Variants in PCF11 observed in about 807,000 individuals in gnomAD.
PCF11 encodes PCF11 cleavage and polyadenylation factor subunit.
A neutral mutation model predicts 166.1 loss-of-function variants in PCF11; 19 were observed. The ratio of observed to expected loss-of-function variants is 0.11; its 90% CI spans 0.08 to 0.17. PCF11 has a LOEUF of 0.17. Ranked by LOEUF, PCF11 falls within the 10% of genes least tolerant of loss-of-function variation. The probability of loss-of-function intolerance (pLI) is 1.00; values close to 1 mark genes in which losing one functional copy is unlikely to be tolerated. For synonymous variants in PCF11, 663 were observed against 644.1 expected (o/e 1.03, Z -0.44); for missense variants, 1,565 against 1,855.5 (o/e 0.84, Z 2.88).
At position 83,166,725 on chromosome 11, in the gene PCF11, A is replaced by G; in HGVS notation, c.1817+11A>G. The G allele has an allele frequency of 6.4e-7, 1 of 1,570,736 alleles. No homozygotes were observed. The highest frequency in any genetic ancestry group is 1.4e-5 in the African/African-American group (1 of 72,724). ...GGAAGAAAATAAAAGGTATGATGTTAACATTTTAAGTCAAGTGTAGTAGTG... is the reference window on the plus strand; with the variant it reads ...GGAAGAAAATAAAAGGTATGATGTTGACATTTTAAGTCAAGTGTAGTAGTG... On this transcript the variant is annotated intron_variant, in intron 5 of 15. Transcript: ENST00000298281.
In PCF11 at chr11:83,167,068, T is replaced by A; in HGVS notation, c.1818-57T>A. The A allele has an allele frequency of 7.5e-7, 1 of 1,331,520 alleles. No homozygotes were observed. The highest frequency in any genetic ancestry group is 1.1e-6 in the Non-Finnish European group (1 of 950,560). 82.5% of individuals were successfully genotyped at this position (1,331,520 alleles called of 1,614,324 possible). On this transcript the variant is annotated intron_variant, in intron 5 of 15. Coordinates refer to ENST00000298281, the Ensembl canonical transcript of PCF11. This position sits in a 1 kb window ranked among gnomAD's most constrained non-coding sequence, Gnocchi z 4.2. ...CTTTGAAAAGAATCTTTAAATATGGTCCTGAGTATTTTTTAAAAAAACATT... is the reference window on the plus strand; with the variant it reads ...CTTTGAAAAGAATCTTTAAATATGGACCTGAGTATTTTTTAAAAAAACATT...
chr11:83,157,431 C>T (rs1372982442), exon 1 of PCF11: 2 of 1,604,886 alleles, frequency 1.2e-6, no homozygotes, highest in Non-Finnish European at 1.7e-6. Flanking sequence ...GGAGGGGGGC[C>T]GCGGCGCAAT....
At chr11:83,168,692 C>G in exon 8 of PCF11, 2 of 1,613,900 alleles carry the variant, frequency 1.2e-6, no homozygotes, top group South Asian at 2.2e-5. Flanking sequence ...CCTCCCACAC[C>G]AGCTTCTCTT....
rs1002255118 is a variant in PCF11 at position 83,172,998 on chromosome 11, T to C, written c.3757+1084T>C. Among the ~76,000 whole-genome samples, 6 of 152,216 alleles carry C rather than the reference T, an allele frequency of 3.9e-5. 1 individual carries two copies. The South Asian group carries it at 1.0e-3, about 26-fold the overall frequency. On this transcript the variant is annotated intron_variant, in intron 9 of 15. Transcript: ENST00000298281. ...TTTCTACATGGACAATTATGACTAA[T>C]TAATATTTGTTATTATTATTATTTT...
chr11:83,179,497 G>A (rs1001960244), intron 11 of PCF11, among the ~76,000 whole-genome samples: 8 of 151,962 alleles, frequency 5.3e-5, no homozygotes, highest in African/African-American at 1.4e-4. Context: ...TCATCTGCCC[G>A]CCTCGGCCTT....
intron 15 of PCF11, chr11:83,184,274 G>C (rs1861192673): frequency 6.3e-6 from 1 of 158,894 alleles, no homozygotes. Flanking sequence ...GGTTTATTTA[G>C]GTTGTCAGAA....
chr11:83,157,830 A>C, intron 1 of PCF11, 199 bp downstream of exon 1: 1 of 594,376 alleles, frequency 1.7e-6, no homozygotes, highest in East Asian at 2.8e-5. Context: ...GGGAGGATAA[A>C]GGGTGGAGTC....
chr11:83,163,930 A>G (rs1201740610), intron 3 of PCF11, 63 bp downstream of exon 3: 3 of 727,586 alleles, frequency 4.1e-6, no homozygotes, highest in Non-Finnish European at 6.4e-6. Flanking sequence ...ATTCTTCTGC[A>G]GAACTTACTG....
exon 16 of PCF11, chr11:83,185,002 C>T (rs1861232136): frequency 1.5e-6 from 1 of 676,016 alleles, no homozygotes; most frequent in South Asian, 2.1e-5. Context: ...AATTGTCTGG[C>T]TGAGGCAGGG....
exon 16 of PCF11, chr11:83,187,389 A>G (rs1861329547): frequency 6.6e-6 from 1 of 152,260 alleles, no homozygotes; most frequent in Non-Finnish European, 1.5e-5. Flanking sequence ...AATGAAGTCA[A>G]GAAAATATGT....
In PCF11 at chr11:83,172,421, T is replaced by G. The variant is rs375388151; in HGVS notation, c.3757+507T>G. Among the ~76,000 whole-genome samples, 621 of 152,092 alleles carry G rather than the reference T, an allele frequency of 4.1e-3. 2 individuals carry two copies. The highest frequency in any genetic ancestry group is 0.01 in the Middle Eastern group (3 of 294). ...AGGACTTTTAAAATGGATTTTAGTT[T>G]TATTTATTTATTTATTTATGAGGCA... On this transcript the variant is annotated intron_variant, in intron 9 of 15. Transcript: ENST00000298281.
chr11:83,163,370 T>C (rs1396186523), intron 2 of PCF11, among the ~76,000 whole-genome samples: 1 of 152,198 alleles, frequency 6.6e-6, no homozygotes, highest in Non-Finnish European at 1.5e-5. Context: ...TCTAGTTGTC[T>C]TACATTTTTT....
At position 83,163,564 on chromosome 11, in the gene PCF11, C is replaced by T. The variant is rs1860339609; in HGVS notation, c.319-115C>T. 7 of 399,214 alleles carry T rather than the reference C, an allele frequency of 1.8e-5. No individual in the cohort carries two copies. The East Asian group carries it at 2.7e-4, about 16-fold the overall frequency. 24.7% of individuals were successfully genotyped at this position (399,214 alleles called of 1,614,324 possible). On this transcript the variant is annotated intron_variant, in intron 2 of 15. Coordinates refer to ENST00000298281, the Ensembl canonical transcript of PCF11. ...AAATTATTACTGTTGTATATACTTA[C>T]CAATGGGTAGTACAGTTCTGTATGT...
At chr11:83,171,295 T>C in intron 8 of PCF11, 1 of 455,744 alleles carries the variant, frequency 2.2e-6, no homozygotes, top group African/African-American at 2.0e-5. Flanking sequence ...GCTTACCTGC[T>C]TGGTAATTCA....
intron 9 of PCF11, among the ~76,000 whole-genome samples, chr11:83,176,847 A>G (rs1860902644): frequency 6.6e-6 from 1 of 150,676 alleles, no homozygotes; most frequent in African/African-American, 2.4e-5. Flanking sequence ...TAAAAAAACA[A>G]AAAAAAAAGA....
At chr11:83,178,071 T>C (rs1440529981) in intron 11 of PCF11, among the ~76,000 whole-genome samples, 2 of 152,156 alleles carry the variant, frequency 1.3e-5, no homozygotes, top group African/African-American at 4.8e-5. Flanking sequence ...CCAAAAGTCT[T>C]ACTCTGCTGC....
At chr11:83,168,391 T>C (rs557711287) in intron 7 of PCF11, 37 bp from the exon 8 acceptor site, 4 of 1,503,966 alleles carry the variant, frequency 2.7e-6, no homozygotes, top group Admixed American at 4.6e-5. Context: ...GATTTTAAGA[T>C]AACTTTAGTG....
intron 14 of PCF11, among the ~76,000 whole-genome samples, chr11:83,182,748 C>T (rs1408183821): frequency 6.6e-6 from 1 of 152,082 alleles, no homozygotes; most frequent in African/African-American, 2.4e-5. Flanking sequence ...TCTAGTTAGT[C>T]GTTTTTCTGT....
intron 1 of PCF11, among the ~76,000 whole-genome samples, chr11:83,159,456 T>A (rs1469339030): frequency 1.3e-5 from 2 of 152,174 alleles, no homozygotes; most frequent in Admixed American, 1.3e-4. Context: ...TCAAAGAACC[T>A]TGCTGGTTTT....
Sources: allele counts gnomAD v4.1 joint callset (sites outside exome capture counted in the v4.1 genomes callset), GRCh38; gene constraint gnomAD v4.1.1; non-coding constraint Gnocchi (gnomAD v3.1); transcripts MANE v1.5; gene names NCBI Gene and HGNC (gene_info 2026-07-23, HGNC 2026-07-21).